Variants in EPX observed in about 807,000 individuals in gnomAD.
EPX encodes eosinophil peroxidase.
Under a neutral mutation model 73.0 loss-of-function variants are expected in EPX, and 60 were observed. That is an observed-to-expected ratio of 0.82 (90% CI 0.67 to 1.02). The LOEUF is 1.02. Ranked by LOEUF, EPX falls within the 50% of genes least tolerant of loss-of-function variation. The pLI, the probability that EPX is intolerant of heterozygous loss-of-function variation, is 0.00. For synonymous variants in EPX, 347 were observed against 389.2 expected, an observed-to-expected ratio of 0.89 and a Z score of 1.28; for missense variants, 950 against 973.9, an observed-to-expected ratio of 0.98 and a Z score of 0.33.
chr17:58,195,154 C>G lies in EPX; in HGVS notation c.785C>G (p.Pro262Arg), dbSNP rs757249995. Reference sequence around the variant, plus strand: ...GAGAGGACCTGCGCCCAGCTGCCCCCCTGCTTTCCCATCAAGGTACCTACC... The same window carrying G: ...GAGAGGACCTGCGCCCAGCTGCCCCGCTGCTTTCCCATCAAGGTACCTACC... ...DCERTCAQLP[P>R]CFPIKIPPND... is the part of the protein sequence containing the mutation. Residue 262 changes from proline to arginine, a missense_variant, in exon 6 of 13, where the codon CCC (proline) becomes CGC (arginine). Coordinates refer to ENST00000225371, the MANE Select transcript of EPX (RefSeq NM_000502.6). 5 of 1,613,802 alleles carry G rather than the reference C, an allele frequency of 3.1e-6. No homozygotes were observed. The highest frequency in any genetic ancestry group is 3.3e-5 in the Admixed American group (2 of 60,024).
chr17:58,194,786 T>A (rs1221960848), intron 5 of EPX, among the ~76,000 whole-genome samples, 178 bp from the exon 6 acceptor site: 3 of 152,062 alleles, frequency 2.0e-5, no homozygotes, highest in African/African-American at 7.2e-5. Flanking sequence ...AAACCATCCT[T>A]CTAGGAATGA....
chr17:58,198,627 G>A (rs1237735160), intron 7 of EPX, among the ~76,000 whole-genome samples: 2 of 152,168 alleles, frequency 1.3e-5, no homozygotes, highest in Non-Finnish European at 2.9e-5. Context: ...GATAGGAAGA[G>A]GTACACCAGC....
chr17:58,198,826 C>T (rs1382877232), intron 7 of EPX, among the ~76,000 whole-genome samples: 1 of 152,182 alleles, frequency 6.6e-6, no homozygotes, highest in Admixed American at 6.5e-5. Flanking sequence ...TCACCCAAGC[C>T]TGCTAGGAAC....
At chr17:58,200,511 G>T in intron 10 of EPX, 116 bp downstream of exon 10, 1 of 1,126,672 alleles carries the variant, frequency 8.9e-7, no homozygotes, top group Non-Finnish European at 1.3e-6. Flanking sequence ...ATGTGCAGGA[G>T]TGCAGAGGCA....
At chr17:58,204,501 G>C in intron 12 of EPX, 67 bp downstream of exon 12, 5 of 944,534 alleles carry the variant, frequency 5.3e-6, no homozygotes, top group East Asian at 2.5e-5. Flanking sequence ...TGGATGGATG[G>C]CTGAGTCCTC....
intron 9 of EPX, 71 bp from the exon 10 acceptor site, chr17:58,200,154 C>T (rs1379478752): frequency 5.5e-5 from 80 of 1,457,110 alleles, no homozygotes; most frequent in Non-Finnish European, 7.2e-5. Flanking sequence ...GCTAGCTTGG[C>T]ATCATGTGAT....
At position 58,197,385 on chromosome 17, in the gene EPX, T is replaced by C. The variant is rs189691716; in HGVS notation, c.1120+128T>C. ...CTCAGTATTAGGCACACCATAAGCA[T>C]GGATCTGTGCACAGCCATCATAGAA... is the stretch of plus-strand genomic sequence containing the variant. On this transcript the variant is annotated intron_variant, in intron 7 of 12. Coordinates refer to ENST00000225371, the MANE Select transcript of EPX (RefSeq NM_000502.6). 519 of 1,101,044 alleles carry C rather than the reference T, an allele frequency of 4.7e-4. 1 individual carries two copies. In the East Asian group the frequency reaches 0.01, roughly 21 times the overall value. 68.2% of individuals were successfully genotyped at this position (1,101,044 alleles called of 1,614,324 possible). A position where few individuals can be genotyped will look rare whatever the true frequency, so the allele number is the denominator to read the frequency against.
chr17:58,194,312 G>A (rs1383111019), intron 5 of EPX, among the ~76,000 whole-genome samples: 2 of 152,130 alleles, frequency 1.3e-5, no homozygotes, highest in Non-Finnish European at 2.9e-5. Context: ...TGAAGTCCTT[G>A]GTATAAATAG....
At position 58,199,103 on chromosome 17, in the gene EPX, A is replaced by G; in HGVS notation, c.1184A>G (p.His395Arg). The change falls in exon 8 of 13, where the codon CAC becomes CGC. Residue 395 changes from histidine to arginine, a missense_variant. By Grantham distance (29) the His-to-Arg change is conservative. Transcript: ENST00000225371. ...ATGCACACCCTCTTTATGCGAGAGC[A>G]CAACCGGCTGGCCACCGAGCTGAGA... ...AAMHTLFMREHNRLATELRRL... is the reference protein window; with the variant it reads ...AAMHTLFMRERNRLATELRRL... 1.2e-6 allele frequency: 2 copies of G among 1,614,122 alleles called. No homozygotes were observed. Among genetic ancestry groups the G allele is most frequent in the South Asian group, 2.2e-5 (2 of 91,080 alleles).
At chr17:58,201,732 T>C (rs998092244) in intron 10 of EPX, among the ~76,000 whole-genome samples, 1 of 152,186 alleles carries the variant, frequency 6.6e-6, no homozygotes, top group Non-Finnish European at 1.5e-5. Flanking sequence ...TATGTTATGT[T>C]TTTCATGGCC....
Position 58,197,147 on chromosome 17 carries a change from T to G in EPX, c.1010T>G (p.Ile337Ser), listed in dbSNP as rs1252707488. The G allele has an allele frequency of 6.2e-7, 1 of 1,614,154 alleles. No homozygotes were observed. Among genetic ancestry groups the G allele is most frequent in the Non-Finnish European group, 8.5e-7 (1 of 1,180,038 alleles). The change falls in exon 7 of 13, where the codon ATC (isoleucine) becomes AGC (serine). Residue 337 changes from isoleucine (I) to serine (S), a missense_variant. By Grantham distance (142) the Ile-to-Ser change is moderately radical. Coordinates refer to ENST00000225371, the MANE Select transcript of EPX (RefSeq NM_000502.6). ...ACCAACTACCTGGGGCTGCTGGCCA[T>G]CAACCAGCGCTTTCAAGACAACGGC... The part of the protein sequence containing the change: ...NRTNYLGLLA[I>S]NQRFQDNGRA...
Position 58,195,125 on chromosome 17 carries a change from C to T in EPX, c.756C>T (p.Asp252=). 1 of 1,614,170 alleles carries T rather than the reference C, an allele frequency of 6.2e-7. No individual in the cohort carries two copies. The highest frequency in any genetic ancestry group is 8.5e-7 in the Non-Finnish European group (1 of 1,180,006). The change falls in exon 6 of 13, where the codon GAC becomes GAT. Residue 252 remains aspartate (D), a synonymous_variant. Coordinates refer to ENST00000225371, the MANE Select transcript of EPX (RefSeq NM_000502.6). ...PARVAFTAGV[D]CERTCAQLPP... Reference sequence around the variant, plus strand: ...GAGTGGCCTTCACTGCAGGCGTTGACTGTGAGAGGACCTGCGCCCAGCTGC... The same window carrying T: ...GAGTGGCCTTCACTGCAGGCGTTGATTGTGAGAGGACCTGCGCCCAGCTGC...
intron 5 of EPX, 84 bp downstream of exon 5, chr17:58,194,176 G>A: frequency 7.0e-7 from 1 of 1,434,556 alleles, no homozygotes; most frequent in Non-Finnish European, 9.7e-7. Flanking sequence ...CGCAGGCAGG[G>A]CTTGAACCCA....
Position 58,197,231 on chromosome 17 carries a change from C to A in EPX, c.1094C>A (p.Ser365Ter), listed in dbSNP as rs577707337. Residue 365 changes from serine (S) to a stop codon, truncating the protein, a stop_gained, in exon 7 of 13, where the codon TCG becomes TAG. Transcript: ENST00000225371. LOFTEE classifies it high-confidence loss of function. ...GACCCCTGTCTCCTCACCAACCGCT[C>A]GGCGCGCATCCCCTGCTTCCTGGCA... ...HDDPCLLTNR[S>*]ARIPCFLAGD... 2 of 1,612,580 alleles carry A rather than the reference C, an allele frequency of 1.2e-6. No homozygotes were observed. The highest frequency in any genetic ancestry group is 1.7e-6 in the Non-Finnish European group (2 of 1,180,052).
At position 58,192,879 on chromosome 17, in the gene EPX, G is replaced by GGCCACACTCGTCCTC. The variant is rs1255664426; in HGVS notation, c.37_51dup (p.Thr13_Ala17dup). On this transcript the variant is annotated inframe_insertion, in exon 1 of 13. Coordinates refer to ENST00000225371, the MANE Select transcript of EPX (RefSeq NM_000502.6). Reference sequence around the variant, plus strand: ...TGCTCCCAGCCCTGGCAGGGGTCCTGGCCACACTCGTCCTCGCCCAGCCCT... The same window carrying GGCCACACTCGTCCTC: ...TGCTCCCAGCCCTGGCAGGGGTCCTGGCCACACTCGTCCTCGCCACACTCGTCCTCGCCCAGCCCT... The GGCCACACTCGTCCTC allele has an allele frequency of 6.8e-6, 11 of 1,613,972 alleles. No individual in the cohort carries two copies. Among genetic ancestry groups the GGCCACACTCGTCCTC allele is most frequent in the African/African-American group, 1.3e-5 (1 of 74,900 alleles).
chr17:58,204,553 C>A, intron 12 of EPX, 119 bp downstream of exon 12: 1 of 670,780 alleles, frequency 1.5e-6, no homozygotes, highest in South Asian at 1.7e-5. Flanking sequence ...TCACTAGGTA[C>A]TCTTTCCAAG....
Position 58,195,030 on chromosome 17 carries a change from G to C in EPX, c.661G>C (p.Ala221Pro). 1 of 1,614,138 alleles carries C rather than the reference G, an allele frequency of 6.2e-7. No individual in the cohort carries two copies. Among genetic ancestry groups the C allele is most frequent in the South Asian group, 1.1e-5 (1 of 91,080 alleles). The change falls in exon 6 of 13, where the codon GCC (alanine) becomes CCC (proline). Residue 221 changes from alanine to proline, a missense_variant. Transcript: ENST00000225371. Reference sequence around the variant, plus strand: ...GAGACTGACCTCCGACCGTGGCCGAGCCCTCATGTTCATGCAGTGGGGCCA... The same window carrying C: ...GAGACTGACCTCCGACCGTGGCCGACCCCTCATGTTCATGCAGTGGGGCCA... Reference protein sequence around the residue: ...NERLTSDRGRALMFMQWGQFI... With the variant: ...NERLTSDRGRPLMFMQWGQFI...
Position 58,196,980 on chromosome 17 carries a change from C to T in EPX, c.843C>T (p.Cys281=). The change falls in exon 7 of 13, where the codon TGC becomes TGT. Residue 281 remains cysteine (C), a synonymous_variant. Transcript: ENST00000225371. ...NDPRIKNQRD[C]IPFFRSAPSC... ...CCCGCATCAAGAACCAGCGTGACTG[C>T]ATCCCTTTCTTCCGCTCGGCACCCT... The T allele has an allele frequency of 1.2e-6, 2 of 1,614,126 alleles. No individual in the cohort carries two copies. The highest frequency in any genetic ancestry group is 1.7e-6 in the Non-Finnish European group (2 of 1,180,010).
chr17:58,204,390 C>T lies in EPX; in HGVS notation c.2115C>T (p.Pro705=), dbSNP rs777375803. The T allele has an allele frequency of 1.2e-6, 2 of 1,614,022 alleles. No homozygotes were observed. Among genetic ancestry groups the T allele is most frequent in the South Asian group, 2.2e-5 (2 of 91,090 alleles). The change falls in exon 12 of 13, where the codon CCC becomes CCT. Residue 705 remains proline (P), a synonymous_variant. Coordinates refer to ENST00000225371, the MANE Select transcript of EPX (RefSeq NM_000502.6). ...GCTTTGTGAACTGCAGCCGTATCCC[C>T]AGGTTGAACCTATCAGCCTGGCGAG... is the stretch of plus-strand genomic sequence containing the variant. ...PRGFVNCSRI[P]RLNLSAWRGT
Sources: allele counts gnomAD v4.1 joint callset (sites outside exome capture counted in the v4.1 genomes callset), GRCh38; gene constraint gnomAD v4.1.1; transcripts MANE v1.5; gene names NCBI Gene and HGNC (gene_info 2026-07-23, HGNC 2026-07-21).